CHRM3: variants seen among roughly 807,000 people sequenced by gnomAD.
The protein encoded by CHRM3 is muscarinic acetylcholine receptor M3.
Under a neutral mutation model 41.8 loss-of-function variants are expected in CHRM3, and 11 were observed. The ratio of observed to expected loss-of-function variants is 0.26; its 90% confidence interval spans 0.17 to 0.44. CHRM3 has a LOEUF of 0.44. Ranked by LOEUF, CHRM3 falls within the 20% of genes least tolerant of loss-of-function variation. The pLI is 1.00. For missense variants in CHRM3, 571 were observed against 745.4 expected (o/e 0.77, Z 2.72); for synonymous variants, 297 against 301.4 (o/e 0.99, Z 0.15).
At position 239,511,901 on chromosome 1, in the gene CHRM3, T is replaced by G. The variant is rs1203839275; in HGVS notation, c.-422+19094T>G. 2.0e-5 allele frequency among the ~76,000 whole-genome samples: 3 copies of G among 152,226 alleles called. No individual in the cohort carries two copies. The South Asian group carries it at 6.2e-4, about 32-fold the overall frequency. On this transcript the variant is annotated intron_variant, in intron 2 of 6. Coordinates refer to ENST00000676153, the MANE Select transcript of CHRM3 (RefSeq NM_001375978.1). ...TATAATGAATGAGCACTTTGAATTTTATTCCAAGTACATTTAAAATTCACT... is the reference window on the plus strand; with the variant it reads ...TATAATGAATGAGCACTTTGAATTTGATTCCAAGTACATTTAAAATTCACT...
At chr1:239,400,836 C>T (rs532963861) in intron 1 of CHRM3, among the ~76,000 whole-genome samples, 5 of 152,036 alleles carry the variant, frequency 3.3e-5, no homozygotes, top group Non-Finnish European at 7.4e-5. Flanking sequence ...CAGTACCATG[C>T]AGTCAACAAC....
At chr1:239,580,569 C>A (rs1662779325) in intron 3 of CHRM3, among the ~76,000 whole-genome samples, 1 of 151,250 alleles carries the variant, frequency 6.6e-6, no homozygotes, top group Non-Finnish European at 1.5e-5. Context: ...CTAGGATTTA[C>A]CAAAACTAAT....
chr1:239,482,159 C>A (rs748232652), intron 1 of CHRM3, among the ~76,000 whole-genome samples: 34 of 152,130 alleles, frequency 2.2e-4, no homozygotes, highest in Non-Finnish European at 4.6e-4. Context: ...GCTGGCACTT[C>A]TGCCCCTGCC....
intron 6 of CHRM3, among the ~76,000 whole-genome samples, chr1:239,884,223 T>G (rs111665923): frequency 4.0e-4 from 61 of 152,320 alleles, no homozygotes; most frequent in African/African-American, 1.4e-3. Context: ...GAGATCATCC[T>G]GGATTATTCA....
intron 5 of CHRM3, among the ~76,000 whole-genome samples, chr1:239,736,095 A>G (rs569009927): frequency 5.3e-4 from 81 of 152,232 alleles, no homozygotes; most frequent in African/African-American, 1.8e-3. Flanking sequence ...GCTAGTATCG[A>G]CTACTCCACT....
intron 1 of CHRM3, among the ~76,000 whole-genome samples, chr1:239,419,939 C>T (rs531960302): frequency 2.4e-4 from 36 of 152,272 alleles, no homozygotes; most frequent in African/African-American, 7.9e-4. Flanking sequence ...GATCGTTTCC[C>T]TGCCCCTGTC....
At chr1:239,756,454 A>T (rs539072053) in intron 5 of CHRM3, among the ~76,000 whole-genome samples, 2 of 152,270 alleles carry the variant, frequency 1.3e-5, no homozygotes, top group South Asian at 4.1e-4. Context: ...TTATTTGTGG[A>T]TTAGAATTCT....
rs749765063 is a variant in CHRM3 at position 239,908,403 on chromosome 1, A to C, written c.952A>C (p.Lys318Gln). 18 of 1,614,080 alleles carry C rather than the reference A, an allele frequency of 1.1e-5. No individual in the cohort carries two copies. The highest frequency in any genetic ancestry group is 1.5e-5 in the Non-Finnish European group (18 of 1,180,026). The change falls in exon 7 of 7, where the codon AAG (lysine) becomes CAG (glutamine). Residue 318 changes from lysine to glutamine, a missense_variant. Lys to Gln is a moderately conservative substitution (Grantham distance 53). Transcript: ENST00000676153. The surrounding 1 kb of genome is among the most constrained non-coding windows in gnomAD (Gnocchi z 7.2). ...CCGCTGCCACTTCTGGTTCACAACC[A>C]AGAGCTGGAAACCCAGCTCCGAGCA... ...YGRCHFWFTTKSWKPSSEQMD... is the reference protein window; with the variant it reads ...YGRCHFWFTTQSWKPSSEQMD...
rs188783796 is a variant in CHRM3 at position 239,757,955 on chromosome 1, T to C, written c.-146-69297T>C. Among the ~76,000 whole-genome samples the C allele has an allele frequency of 1.2e-3, 176 of 152,306 alleles. 1 individual carries two copies. The highest frequency in any genetic ancestry group is 2.8e-4 in the Non-Finnish European group (19 of 68,026). ...GTCACTCTAGGTTAGACACAGTCAG[T>C]CAATTGGAAACACCCTATGTGTGGT... is the stretch of plus-strand genomic sequence containing the variant. On this transcript the variant is annotated intron_variant, in intron 5 of 6. Transcript: ENST00000676153.
intron 3 of CHRM3, among the ~76,000 whole-genome samples, chr1:239,585,681 T>G (rs1245186005): frequency 6.6e-6 from 1 of 152,212 alleles, no homozygotes; most frequent in African/African-American, 2.4e-5. Flanking sequence ...AGACTGAATA[T>G]TGTAAAAGTC....
At chr1:239,896,882 T>C (rs192883447) in intron 6 of CHRM3, among the ~76,000 whole-genome samples, 114 of 152,216 alleles carry the variant, frequency 7.5e-4, no homozygotes, top group African/African-American at 2.6e-3. Context: ...ACTCAACAAA[T>C]GTTAGCTCTT....
intron 5 of CHRM3, among the ~76,000 whole-genome samples, chr1:239,767,392 A>G (rs1284799937): frequency 6.6e-6 from 1 of 152,150 alleles, no homozygotes; most frequent in East Asian, 1.9e-4. Flanking sequence ...TCAAAGACAA[A>G]CATCTTGGAC....
In CHRM3 at chr1:239,404,442, GAA is replaced by G. The variant is rs1157371540; in HGVS notation, c.-521+17217_-521+17218del. On this transcript the variant is annotated intron_variant, in intron 1 of 6. Transcript: ENST00000676153. ...AGAAAGAAAGAAAGAAAGAAAGAAA[GAA>G]AGAAAGAAAGAAAGAAAGAAAGAAA... Among the ~76,000 whole-genome samples the G allele has an allele frequency of 1.7e-3, 203 of 123,012 alleles. 8 individuals carry two copies. The highest frequency in any genetic ancestry group is 5.6e-3 in the East Asian group (26 of 4,606). 80.7% of individuals were successfully genotyped at this position (123,012 alleles called of 152,430 possible).
chr1:239,894,709 A>G (rs1678848910), intron 6 of CHRM3, among the ~76,000 whole-genome samples: 1 of 151,646 alleles, frequency 6.6e-6, no homozygotes, highest in African/African-American at 2.4e-5. Flanking sequence ...GTGGTATTAC[A>G]GGCATGAGCC....
chr1:239,803,755 A>G (rs1415656234), intron 5 of CHRM3, among the ~76,000 whole-genome samples: 9 of 152,186 alleles, frequency 5.9e-5, no homozygotes, highest in Admixed American at 5.9e-4. Flanking sequence ...ATCAAGTCAA[A>G]TGATGCAGGC....
intron 6 of CHRM3, chr1:239,898,129 T>C (rs1679168418): frequency 6.6e-6 from 1 of 152,228 alleles, no homozygotes; most frequent in Non-Finnish European, 1.5e-5. Context: ...CAGCTTCAAA[T>C]GAATATCAAG....
At chr1:239,664,715 C>A (rs980388913) in intron 4 of CHRM3, among the ~76,000 whole-genome samples, 2 of 152,160 alleles carry the variant, frequency 1.3e-5, no homozygotes, top group African/African-American at 4.8e-5. Context: ...CCTATGATCT[C>A]ATGTTACCCT....
intron 1 of CHRM3, among the ~76,000 whole-genome samples, chr1:239,438,682 A>G (rs560839162): frequency 1.3e-5 from 2 of 152,306 alleles, no homozygotes; most frequent in African/African-American, 4.8e-5. Context: ...TAAGAGCTCT[A>G]TCTGTTACAG....
intron 5 of CHRM3, among the ~76,000 whole-genome samples, chr1:239,760,266 G>T (rs945665219): frequency 6.6e-6 from 1 of 151,764 alleles, no homozygotes; most frequent in Non-Finnish European, 1.5e-5. Flanking sequence ...TTTTTCTCTC[G>T]AGAATTTGTC....
Sources: allele counts gnomAD v4.1 joint callset (sites outside exome capture counted in the v4.1 genomes callset), GRCh38; gene constraint gnomAD v4.1.1; non-coding constraint Gnocchi (gnomAD v3.1); transcripts MANE v1.5; gene names NCBI Gene and HGNC (gene_info 2026-07-23, HGNC 2026-07-21).